B4GALT1: variants seen among roughly 807,000 people sequenced by gnomAD.
B4GALT1 encodes the protein beta-1,4-galactosyltransferase 1, also known as N-acetyllactosamine synthase.
A neutral mutation model predicts 34.9 loss-of-function variants in B4GALT1; 16 were observed. The ratio of observed to expected loss-of-function variants is 0.46; its 90% CI spans 0.31 to 0.70. B4GALT1 has a LOEUF of 0.70. Among genes scored for constraint, B4GALT1 ranks in the 30% least tolerant of loss-of-function variants. The pLI is 0.05. For synonymous variants in B4GALT1, 221 were observed against 218.1 expected, an observed-to-expected ratio of 1.01 and a Z score of -0.12; for missense variants, 445 against 530.5, an observed-to-expected ratio of 0.84 and a Z score of 1.58.
upstream of B4GALT1, chr9:33,167,376 GC>G: frequency 1.8e-6 from 1 of 552,314 alleles, no homozygotes; most frequent in Non-Finnish European, 2.7e-6. Flanking sequence ...GAGGGGAGGG[GC>G]GGGGCCCCGG....
chr9:33,126,855 G>A (rs1368170751), intron 2 of B4GALT1, among the ~76,000 whole-genome samples: 3 of 152,238 alleles, frequency 2.0e-5, no homozygotes, highest in Admixed American at 1.3e-4. Flanking sequence ...CTGGACTGAG[G>A]CTATAAAGTT....
chr9:33,147,965 G>A (rs997860157), intron 1 of B4GALT1, among the ~76,000 whole-genome samples: 11 of 152,118 alleles, frequency 7.2e-5, no homozygotes, highest in African/African-American at 2.7e-4. Context: ...GCCCAGGATT[G>A]CGAGGCCACA....
At chr9:33,167,678 G>A (rs1840792566), upstream of B4GALT1, among the ~76,000 whole-genome samples, 2 of 152,246 alleles carry the variant, frequency 1.3e-5, no homozygotes, top group Non-Finnish European at 2.9e-5. Flanking sequence ...AAGGGACTCG[G>A]GTGCGAGCCT....
intron 4 of B4GALT1, among the ~76,000 whole-genome samples, chr9:33,114,123 C>T (rs977718671): frequency 6.6e-6 from 1 of 152,210 alleles, no homozygotes; most frequent in South Asian, 2.1e-4. Context: ...ACACTGGGGC[C>T]GTGTGCCCCA....
downstream of B4GALT1, among the ~76,000 whole-genome samples, chr9:33,109,497 T>G (rs1839830561): frequency 6.6e-6 from 1 of 152,232 alleles, no homozygotes. Context: ...TTATAGCTGG[T>G]TGGTCAGAAG....
downstream of B4GALT1, among the ~76,000 whole-genome samples, chr9:33,105,750 C>G (rs1203199384): frequency 6.6e-6 from 1 of 152,048 alleles, no homozygotes; most frequent in Admixed American, 6.6e-5. Context: ...TGACTTATTT[C>G]GGTTAGCATA....
intron 1 of B4GALT1, among the ~76,000 whole-genome samples, chr9:33,157,061 A>C: frequency 1.9e-5 from 1 of 52,926 alleles, no homozygotes; most frequent in African/African-American, 1.4e-4. Flanking sequence ...AGCATAGGGA[A>C]CTACACACAC....
chr9:33,148,165 C>G (rs1365672178), intron 1 of B4GALT1, among the ~76,000 whole-genome samples: 1 of 152,056 alleles, frequency 6.6e-6, no homozygotes, highest in Non-Finnish European at 1.5e-5. Context: ...AATATAAGAA[C>G]TCCAGTGAAA....
intron 3 of B4GALT1, among the ~76,000 whole-genome samples, chr9:33,119,204 G>A (rs1277044831): frequency 1.3e-5 from 2 of 152,100 alleles, no homozygotes; most frequent in Non-Finnish European, 2.9e-5. Flanking sequence ...ATATAAACAC[G>A]GAATTAGGAA....
intron 2 of B4GALT1, among the ~76,000 whole-genome samples, chr9:33,124,385 C>A (rs189118189): frequency 1.2e-4 from 19 of 152,332 alleles, no homozygotes; most frequent in Middle Eastern, 3.4e-3. Context: ...ATGCTGGCTT[C>A]TTTATTTATT....
chr9:33,123,981 C>A (rs968435065), intron 2 of B4GALT1, among the ~76,000 whole-genome samples: 6 of 152,236 alleles, frequency 3.9e-5, no homozygotes, highest in Admixed American at 2.0e-4. Context: ...TCATCCCAGC[C>A]TGGCCTCATC....
At chr9:33,183,771 T>G in the B4GALT1 span, among the ~76,000 whole-genome samples, 1 of 151,266 alleles carries the variant, frequency 6.6e-6, no homozygotes, top group South Asian at 2.1e-4. Flanking sequence ...ACCCTAAAAC[T>G]TAAAGTATAA....
chr9:33,167,048 T>A lies in B4GALT1; in HGVS notation c.122A>T (p.Tyr41Phe), dbSNP rs2118351538. The change falls in exon 1 of 6, where the codon TAC (tyrosine) becomes TTC (phenylalanine). Residue 41 changes from tyrosine to phenylalanine, a missense_variant. Tyr to Phe is a conservative substitution (Grantham distance 22). This residue lies in a region of B4GALT1 where 349 missense variants were observed against 395.5 expected (regional missense o/e 0.88). Coordinates refer to ENST00000379731, the MANE Select transcript of B4GALT1 (RefSeq NM_001497.4). ...GCGGCTCAGGTCGCGGCCAGCCAGG[T>A]AGTAAACGAGGGTGACGCCAAGGTG... ...ALHLGVTLVY[Y>F]LAGRDLSRLP... 6.2e-7 allele frequency: 1 copy of A among 1,601,352 alleles called. No homozygotes were observed. Among genetic ancestry groups the A allele is most frequent in the African/African-American group, 1.3e-5 (1 of 74,990 alleles).
chr9:33,108,050 GTA>G (rs1839812642), downstream of B4GALT1, among the ~76,000 whole-genome samples: 1 of 152,226 alleles, frequency 6.6e-6, no homozygotes, highest in Admixed American at 6.5e-5. Flanking sequence ...ATGGCAGTCT[GTA>G]TATGTCAACA....
At chr9:33,172,738 C>T in the B4GALT1 span, among the ~76,000 whole-genome samples, 1 of 152,070 alleles carries the variant, frequency 6.6e-6, no homozygotes, top group African/African-American at 2.4e-5. Context: ...AGTCTGAGAC[C>T]AGCCTGGGTA....
chr9:33,150,701 T>C (rs747792750), intron 1 of B4GALT1, among the ~76,000 whole-genome samples: 10 of 152,320 alleles, frequency 6.6e-5, no homozygotes, highest in Middle Eastern at 6.8e-3. Flanking sequence ...ATAGACTATA[T>C]GCCAAAAAGC....
upstream of B4GALT1, among the ~76,000 whole-genome samples, chr9:33,167,533 T>C (rs938905500): frequency 3.9e-5 from 6 of 152,152 alleles, no homozygotes; most frequent in Non-Finnish European, 7.4e-5. Context: ...GGAGTATGAC[T>C]GCAGCTCCGA....
In B4GALT1 at chr9:33,166,784, G is replaced by A. The variant is rs1786285346; in HGVS notation, c.386C>T (p.Ala129Val). 7 of 1,525,980 alleles carry A rather than the reference G, an allele frequency of 4.6e-6. No homozygotes were observed. The Admixed American group carries it at 6.1e-5, about 13-fold the overall frequency. 94.5% of individuals were successfully genotyped at this position (1,525,980 alleles called of 1,614,324 possible). Residue 129 changes from alanine to valine, a missense_variant, in exon 1 of 6, where the codon GCC (alanine) becomes GTC (valine). Physicochemically the swap from Ala to Val is moderately conservative, Grantham distance 64. This residue lies in a region of B4GALT1 where 349 missense variants were observed against 395.5 expected (regional missense o/e 0.88). Coordinates refer to ENST00000379731, the MANE Select transcript of B4GALT1 (RefSeq NM_001497.4). ...VPHTTALSLP[A>V]CPEESPLLVG... ...AAGCAGCGGGGACTCCTCAGGGCAG[G>A]CGGGCAGCGACAGTGCGGTGGTGTG...
chr9:33,157,805 C>T (rs1840618021), intron 1 of B4GALT1, among the ~76,000 whole-genome samples: 1 of 151,928 alleles, frequency 6.6e-6, no homozygotes, highest in Admixed American at 6.6e-5. Context: ...ATATTCACAA[C>T]TTATTCTGTG....
Sources: gnomAD v4.1 joint callset for allele counts (sites outside exome capture counted in the v4.1 genomes callset) on GRCh38, gnomAD v4.1.1 for gene constraint, gnomAD v4.1.1 regional missense constraint, MANE v1.5 for transcripts, NCBI Gene and HGNC (gene_info 2026-07-23, HGNC 2026-07-21) for gene names.